Variants in MTMR10 observed in about 807,000 individuals in gnomAD.
MTMR10 encodes the protein myotubularin related protein 10.
Under a neutral mutation model 88.1 loss-of-function variants are expected in MTMR10, and 56 were observed. The observed-to-expected ratio is 0.64, with a 90% confidence interval of 0.51 to 0.79. The LOEUF (loss-of-function observed/expected upper bound fraction) is 0.79. Among genes scored for constraint, MTMR10 ranks in the 30% least tolerant of loss-of-function variants. The pLI is 0.00. For missense variants in MTMR10, 883 were observed against 924.7 expected, an observed-to-expected ratio of 0.95 and a Z score of 0.58; for synonymous variants, 380 against 340.9, an observed-to-expected ratio of 1.11 and a Z score of -1.26.
At chr15:30,922,943 C>T in the MTMR10 span, among the ~76,000 whole-genome samples, 2 of 152,236 alleles carry the variant, frequency 1.3e-5, no homozygotes, top group African/African-American at 4.8e-5. Context: ...CACAGCCAGG[C>T]GGGTGAGGCC....
At chr15:30,951,211 C>G (rs546471779) in intron 12 of MTMR10, among the ~76,000 whole-genome samples, 1 of 152,258 alleles carries the variant, frequency 6.6e-6, no homozygotes, top group Middle Eastern at 3.4e-3. Flanking sequence ...CCGTTTATTC[C>G]TACCAAATAT....
intron 3 of MTMR10, among the ~76,000 whole-genome samples, chr15:30,975,771 A>C (rs2030084450): frequency 6.6e-6 from 1 of 152,214 alleles, no homozygotes; most frequent in South Asian, 2.1e-4. Flanking sequence ...CATGAAATAT[A>C]CTTACACTAA....
chr15:30,962,668 T>C (rs1174320279), intron 6 of MTMR10, among the ~76,000 whole-genome samples: 1 of 152,116 alleles, frequency 6.6e-6, no homozygotes, highest in African/African-American at 2.4e-5. Flanking sequence ...ATAAGACAGG[T>C]ATTTTCTGAG....
the MTMR10 span, among the ~76,000 whole-genome samples, chr15:30,924,160 C>T: frequency 2.0e-5 from 3 of 152,240 alleles, no homozygotes; most frequent in Admixed American, 1.3e-4. Context: ...TCACCCGCAT[C>T]GTGGCACATG....
intron 2 of MTMR10, among the ~76,000 whole-genome samples, chr15:30,990,166 AT>A (rs2031218121): frequency 6.6e-6 from 1 of 152,048 alleles, no homozygotes; most frequent in Admixed American, 6.5e-5. Flanking sequence ...GACTGGTGGC[AT>A]TTTGGTGTGG....
In MTMR10 at chr15:30,954,817, T is replaced by C. The variant is rs571703776; in HGVS notation, c.1012A>G (p.Asn338Asp). The C allele has an allele frequency of 2.5e-6, 4 of 1,599,184 alleles. No individual in the cohort carries two copies. The highest frequency in any genetic ancestry group is 1.3e-5 in the African/African-American group (1 of 74,716). Residue 338 changes from asparagine to aspartate, a missense_variant, in exon 10 of 16, where the codon AAT becomes GAT. Transcript: ENST00000435680. ...YKSDLDKTLPNIQEVQAAFVK... is the reference protein window; with the variant it reads ...YKSDLDKTLPDIQEVQAAFVK... Reference sequence around the variant, plus strand: ...AATGCTGCCTGTACTTCTTGAATATTAGGCAAGGTCTTATCCAAATCTGAT... The same window carrying C: ...AATGCTGCCTGTACTTCTTGAATATCAGGCAAGGTCTTATCCAAATCTGAT...
chr15:30,976,773 G>T, intron 3 of MTMR10, 46 bp downstream of exon 3: 1 of 1,576,792 alleles, frequency 6.3e-7, no homozygotes, highest in Non-Finnish European at 8.6e-7. Flanking sequence ...GTACCACTTA[G>T]AGTTGAAAGC....
At chr15:30,979,254 C>A (rs1344159086) in intron 2 of MTMR10, among the ~76,000 whole-genome samples, 1 of 152,170 alleles carries the variant, frequency 6.6e-6, no homozygotes, top group African/African-American at 2.4e-5. Context: ...ACTTGTTATG[C>A]ATGTTATACT....
chr15:30,972,316 T>C (rs1047423196), intron 5 of MTMR10, among the ~76,000 whole-genome samples: 1 of 152,184 alleles, frequency 6.6e-6, no homozygotes, highest in Non-Finnish European at 1.5e-5. Context: ...TTAACCCTGT[T>C]TGAAATGCGT....
In MTMR10 at chr15:30,953,594, T is replaced by G; in HGVS notation, c.1104A>C (p.Ser368=). The G allele has an allele frequency of 6.5e-7, 1 of 1,546,902 alleles. No homozygotes were observed. Among genetic ancestry groups the G allele is most frequent in the Non-Finnish European group, 8.8e-7 (1 of 1,142,106 alleles). ...ATTCTAACCATCGAGTATTTTCCAGTGAAGATAACCATTTCTCTTCAGTTT... is the reference window on the plus strand; with the variant it reads ...ATTCTAACCATCGAGTATTTTCCAGGGAAGATAACCATTTCTCTTCAGTTT... ...FEETEEKWLS[S]LENTRWLEYV... Residue 368 remains serine, a synonymous_variant, in exon 11 of 16, where the codon TCA becomes TCC. Coordinates refer to ENST00000435680, the MANE Select transcript of MTMR10 (RefSeq NM_017762.3).
chr15:30,922,616 G>A, the MTMR10 span, among the ~76,000 whole-genome samples: 1 of 152,138 alleles, frequency 6.6e-6, no homozygotes, highest in Admixed American at 6.5e-5. Flanking sequence ...TGGCATTTAG[G>A]AATCAGGATC....
chr15:30,952,868 C>T (rs146105504), intron 11 of MTMR10, among the ~76,000 whole-genome samples: 1 of 152,086 alleles, frequency 6.6e-6, no homozygotes, highest in East Asian at 1.9e-4. Flanking sequence ...TGACTCAATG[C>T]AACCTCTGCC....
intron 9 of MTMR10, among the ~76,000 whole-genome samples, chr15:30,955,298 T>C (rs185194723): frequency 6.6e-6 from 1 of 152,104 alleles, no homozygotes; most frequent in Non-Finnish European, 1.5e-5. Context: ...TGAGACGGAG[T>C]CTCATACTGT....
the MTMR10 span, chr15:30,928,547 T>A: frequency 1.9e-6 from 3 of 1,547,998 alleles, no homozygotes; most frequent in African/African-American, 4.3e-5. Flanking sequence ...TGTGACCTTG[T>A]CTTAGGGATT....
chr15:30,963,427 G>A (rs1302358214), intron 6 of MTMR10, among the ~76,000 whole-genome samples: 2 of 151,932 alleles, frequency 1.3e-5, no homozygotes, highest in Admixed American at 1.3e-4. Context: ...TCAGGAGATC[G>A]AGACCATCTT....
chr15:30,939,126 G>A lies in MTMR10; in HGVS notation c.*2344C>T, dbSNP rs1451983349. 2.0e-6 allele frequency: 2 copies of A among 985,278 alleles called. No homozygotes were observed. Among genetic ancestry groups the A allele is most frequent in the African/African-American group, 1.7e-5 (1 of 57,230 alleles). 61.0% of individuals were successfully genotyped at this position (985,278 alleles called of 1,614,324 possible). A position where few individuals can be genotyped will look rare whatever the true frequency, so the allele number is the denominator to read the frequency against. ...CTTGAGGTTACTACTGCAGCAAGCA[G>A]ATTTTGTTGACAAATGTGAACAGCT... is the stretch of plus-strand genomic sequence containing the variant. On this transcript the variant is annotated 3_prime_UTR_variant, in exon 16 of 16. Transcript: ENST00000435680.
chr15:30,978,715 G>T (rs1331685694), intron 2 of MTMR10, among the ~76,000 whole-genome samples: 1 of 152,186 alleles, frequency 6.6e-6, no homozygotes, highest in African/African-American at 2.4e-5. Context: ...ACTTTCCTAA[G>T]ATCTTAAAAA....
Position 30,939,317 on chromosome 15 carries a change from C to T in MTMR10, c.*2153G>A, listed in dbSNP as rs954061738. ...GTGCATCAGCATCTGTGCGGCATTCCCTCAGCACGGGCTCTGCTGGCGGGC... is the reference window on the plus strand; with the variant it reads ...GTGCATCAGCATCTGTGCGGCATTCTCTCAGCACGGGCTCTGCTGGCGGGC... On this transcript the variant is annotated 3_prime_UTR_variant, in exon 16 of 16. Transcript: ENST00000435680. 4 of 985,320 alleles carry T rather than the reference C, an allele frequency of 4.1e-6. No homozygotes were observed. Among genetic ancestry groups the T allele is most frequent in the Admixed American group, 1.2e-4 (2 of 16,272 alleles). The allele number at this position is 985,320 out of a possible 1,614,324, so 61.0% of individuals were successfully genotyped here.
At chr15:30,951,423 A>G (rs997259544) in intron 12 of MTMR10, among the ~76,000 whole-genome samples, 1 of 152,220 alleles carries the variant, frequency 6.6e-6, no homozygotes, top group Non-Finnish European at 1.5e-5. Context: ...CACCCTTCCC[A>G]TAAAATAGGA....
Sources: allele counts gnomAD v4.1 joint callset (sites outside exome capture counted in the v4.1 genomes callset), GRCh38; gene constraint gnomAD v4.1.1; transcripts MANE v1.5; gene names NCBI Gene and HGNC (gene_info 2026-07-23, HGNC 2026-07-21).